SCML2: variants seen among roughly 807,000 people sequenced by gnomAD.
The protein encoded by SCML2 is Scm polycomb group protein like 2.
A neutral mutation model predicts 48.4 loss-of-function variants in SCML2; 6 were observed. The observed-to-expected ratio is 0.12, with a 90% CI of 0.07 to 0.24. The LOEUF (loss-of-function observed/expected upper bound fraction) is 0.24, where lower values mean the gene tolerates loss of function less well. SCML2 is among the 10% of genes least tolerant of loss of function. The pLI is 1.00. For synonymous variants in SCML2, 181 were observed against 189.5 expected (o/e 0.95, Z 0.37); for missense variants, 377 against 528.2 (o/e 0.71, Z 2.81).
At chrX:18,282,909 A>T (rs1023516655) in intron 7 of SCML2, among the ~76,000 whole-genome samples, 3 of 110,750 alleles carry the variant, frequency 2.7e-5, no homozygotes, top group African/African-American at 9.9e-5. Flanking sequence ...TATTCCAAAA[A>T]CCTGAGGGGG....
chrX:18,290,437 C>G (rs1165966281), intron 7 of SCML2, among the ~76,000 whole-genome samples: 1 of 111,441 alleles, frequency 9.0e-6, no homozygotes, highest in Non-Finnish European at 1.9e-5. Context: ...ACCTTATACT[C>G]GGCATCTGGA....
At chrX:18,338,812 G>A (rs1291596842) in intron 1 of SCML2, among the ~76,000 whole-genome samples, 1 of 108,783 alleles carries the variant, frequency 9.2e-6, no homozygotes, top group Admixed American at 9.9e-5. Flanking sequence ...TACTTGGGAG[G>A]CTGAGGTAGG....
At chrX:18,272,388 GA>G (rs1417398871) in intron 7 of SCML2, among the ~76,000 whole-genome samples, 1 of 112,150 alleles carries the variant, frequency 8.9e-6, no homozygotes, top group Non-Finnish European at 1.9e-5. Context: ...CAGTGGAAAG[GA>G]AAACAAGGAA....
chrX:18,338,337 G>C (rs1334807937), intron 1 of SCML2, among the ~76,000 whole-genome samples: 1 of 108,551 alleles, frequency 9.2e-6, no homozygotes, highest in Admixed American at 9.9e-5. Context: ...CCAGGTACTC[G>C]GGAGGCTGAT....
chrX:18,348,552 CTAAAG>C (rs937564028), intron 1 of SCML2, among the ~76,000 whole-genome samples: 18 of 111,871 alleles, frequency 1.6e-4, no homozygotes, highest in South Asian at 3.7e-4. Flanking sequence ...ATCAGAGTCT[CTAAAG>C]TAATCTAAAA....
chrX:18,246,593 C>T lies in SCML2; in HGVS notation c.1806G>A (p.Met602Ile). 8.3e-7 allele frequency: 1 copy of T among 1,199,116 alleles called. No homozygotes were observed. Residue 602 changes from methionine to isoleucine, a missense_variant, in exon 13 of 15, where the codon ATG (methionine) becomes ATA (isoleucine). Physicochemically the swap from Met to Ile is conservative, Grantham distance 10. Coordinates refer to ENST00000251900, the MANE Select transcript of SCML2 (RefSeq NM_006089.3). ...TGAACATACCTTCACTTTTCCTCTGCATTTGGAATTTAACTTCATGGGGAC... is the reference window on the plus strand; with the variant it reads ...TGAACATACCTTCACTTTTCCTCTGTATTTGGAATTTAACTTCATGGGGAC... ...KSSPHEVKFQ[M>I]QRKSEAPSYI...
At chrX:18,250,465 T>G (rs1231621859) in intron 11 of SCML2, among the ~76,000 whole-genome samples, 3 of 109,378 alleles carry the variant, frequency 2.7e-5, no homozygotes. Context: ...CACTGCAAGC[T>G]CTGCCTCCCG....
At chrX:18,246,915 T>A in intron 12 of SCML2, 87 bp from the exon 13 acceptor site, 1 of 941,073 alleles carries the variant, frequency 1.1e-6, no homozygotes, top group Non-Finnish European at 1.5e-6. Flanking sequence ...TCCCTAGCAA[T>A]AGTTCACTTA....
At chrX:18,294,673 G>A (rs773884499) in intron 7 of SCML2, among the ~76,000 whole-genome samples, 19 of 110,424 alleles carry the variant, frequency 1.7e-4, no homozygotes, top group Non-Finnish European at 3.0e-4. Flanking sequence ...CCACCCAGAG[G>A]GCTGCAGTGG....
chrX:18,298,457 T>C (rs946941123), intron 7 of SCML2, among the ~76,000 whole-genome samples: 4 of 112,291 alleles, frequency 3.6e-5, no homozygotes, highest in Non-Finnish European at 7.5e-5. Context: ...TAAGCCCATC[T>C]ATTTACAGCT....
At chrX:18,292,634 T>C (rs1928269254) in intron 7 of SCML2, among the ~76,000 whole-genome samples, 1 of 110,973 alleles carries the variant, frequency 9.0e-6, no homozygotes, top group Non-Finnish European at 1.9e-5. Context: ...TCTTGTTTTT[T>C]TTAAAAAAAA....
intron 7 of SCML2, among the ~76,000 whole-genome samples, 179 bp from the exon 8 acceptor site, chrX:18,265,981 A>G (rs1340494900): frequency 8.9e-6 from 1 of 112,132 alleles, no homozygotes; most frequent in Admixed American, 9.5e-5. Context: ...AAGATTTCAT[A>G]TTATTTGAAA....
chrX:18,342,350 T>TAAA (rs1282550143), intron 1 of SCML2, among the ~76,000 whole-genome samples: 1 of 97,908 alleles, frequency 1.0e-5, no homozygotes, highest in Admixed American at 1.1e-4. Flanking sequence ...AAGTAAGCCT[T>TAAA]AAAAAAAAAA....
chrX:18,320,074 C>T (rs1366368640), intron 6 of SCML2, among the ~76,000 whole-genome samples: 1 of 112,376 alleles, frequency 8.9e-6, no homozygotes, highest in African/African-American at 3.2e-5. Flanking sequence ...TGTCTATATG[C>T]TAATGGTGGA....
At chrX:18,348,666 T>C (rs1241745114) in intron 1 of SCML2, among the ~76,000 whole-genome samples, 1 of 111,999 alleles carries the variant, frequency 8.9e-6, no homozygotes, top group Non-Finnish European at 1.9e-5. Flanking sequence ...TATGAAACTC[T>C]ATCAAGTTAG....
intron 3 of SCML2, among the ~76,000 whole-genome samples, chrX:18,326,636 C>T (rs956395471): frequency 4.9e-5 from 5 of 102,066 alleles, no homozygotes; most frequent in Non-Finnish European, 7.9e-5. Context: ...GCCAAGATCG[C>T]ACCACTGCAC....
chrX:18,255,804 A>C (rs992491837), intron 11 of SCML2, among the ~76,000 whole-genome samples: 1 of 112,695 alleles, frequency 8.9e-6, no homozygotes, highest in Non-Finnish European at 1.9e-5. Context: ...CCCTGGACTT[A>C]AAAAGATAGT....
At chrX:18,244,445 T>C (rs897514001) in intron 13 of SCML2, among the ~76,000 whole-genome samples, 10 of 112,229 alleles carry the variant, frequency 8.9e-5, no homozygotes, top group Non-Finnish European at 1.9e-4. Flanking sequence ...AAATAAACTA[T>C]ATGTAAAAAG....
intron 1 of SCML2, among the ~76,000 whole-genome samples, chrX:18,347,723 CAAAAAAAAAAAAAAA>C (rs749758995): frequency 2.3e-4 from 5 of 21,920 alleles, no homozygotes; most frequent in East Asian, 1.9e-3. Context: ...GACTCCGTCT[CAAAAAAAAAAAAAAA>C]AAAAAAAAAA....
Sources: gnomAD v4.1 joint callset for allele counts (sites outside exome capture counted in the v4.1 genomes callset) on GRCh38, gnomAD v4.1.1 for gene constraint, MANE v1.5 for transcripts, NCBI Gene and HGNC (gene_info 2026-07-23, HGNC 2026-07-21) for gene names.